Variants in GABRB1 observed in about 807,000 individuals in gnomAD.
GABRB1 encodes the protein gamma-aminobutyric acid receptor subunit beta-1.
A neutral mutation model predicts 51.6 loss-of-function variants in GABRB1; 17 were observed. The observed-to-expected ratio is 0.33, with a 90% CI of 0.23 to 0.49. The LOEUF (loss-of-function observed/expected upper bound fraction) is 0.49, where lower values mean the gene tolerates loss of function less well. GABRB1 is among the 20% of genes least tolerant of loss of function. The pLI is 0.99. For missense variants in GABRB1, 410 were observed against 600.6 expected, an observed-to-expected ratio of 0.68 and a Z score of 3.32; for synonymous variants, 247 against 218.9, an observed-to-expected ratio of 1.13 and a Z score of -1.14.
rs148219108 is a variant in GABRB1 at position 47,194,759 on chromosome 4, T to G, written c.461+33290T>G. Reference sequence around the variant, plus strand: ...TGGATATACTCCAGTGGGAGAAGATTTGTTGTCAGTTAAAACTTGAGCCAT... The same window carrying G: ...TGGATATACTCCAGTGGGAGAAGATGTGTTGTCAGTTAAAACTTGAGCCAT... On this transcript the variant is annotated intron_variant, in intron 4 of 8. Coordinates refer to ENST00000295454, the MANE Select transcript of GABRB1 (RefSeq NM_000812.4). Among the ~76,000 whole-genome samples, 622 of 152,240 alleles carry G rather than the reference T, an allele frequency of 4.1e-3. 1 individual carries two copies. The highest frequency in any genetic ancestry group is 0.014 in the African/African-American group (586 of 41,534).
intron 3 of GABRB1, among the ~76,000 whole-genome samples, chr4:47,110,636 A>G (rs56278524): frequency 0.23 from 34,342 of 152,090 alleles, 4,310 homozygotes; most frequent in African/African-American, 0.34. Context: ...ATTTTTATTC[A>G]TGGTAAATGA....
chr4:47,116,024 G>C (rs1191203873), intron 3 of GABRB1, among the ~76,000 whole-genome samples: 3 of 152,106 alleles, frequency 2.0e-5, no homozygotes, highest in African/African-American at 7.2e-5. Context: ...ACCAATATAA[G>C]CCATTCACAG....
intron 3 of GABRB1, among the ~76,000 whole-genome samples, chr4:47,058,234 T>C (rs1448833723): frequency 6.6e-6 from 1 of 152,202 alleles, no homozygotes; most frequent in Non-Finnish European, 1.5e-5. Context: ...CGGTCCATCA[T>C]CATTCAAAAA....
intron 3 of GABRB1, among the ~76,000 whole-genome samples, chr4:47,137,891 T>C (rs190886038): frequency 1.3e-5 from 2 of 152,260 alleles, no homozygotes; most frequent in Admixed American, 1.3e-4. Context: ...AACAAAGGAA[T>C]GCAAAAACTA....
At chr4:47,278,809 T>A (rs1407608256) in intron 4 of GABRB1, among the ~76,000 whole-genome samples, 1 of 152,182 alleles carries the variant, frequency 6.6e-6, no homozygotes, top group Non-Finnish European at 1.5e-5. Context: ...TCATAGTTTT[T>A]AGAGCCAAGT....
chr4:47,332,682 G>A (rs1196887116), intron 5 of GABRB1, among the ~76,000 whole-genome samples: 2 of 152,080 alleles, frequency 1.3e-5, no homozygotes, highest in Non-Finnish European at 2.9e-5. Flanking sequence ...ATTCCAATAT[G>A]CAGCCACATT....
At chr4:47,314,140 C>T (rs1403309025) in intron 4 of GABRB1, among the ~76,000 whole-genome samples, 1 of 151,684 alleles carries the variant, frequency 6.6e-6, no homozygotes, top group African/African-American at 2.4e-5. Context: ...CCGAGGTGAT[C>T]GTAGTTTAAA....
intron 4 of GABRB1, among the ~76,000 whole-genome samples, chr4:47,187,463 T>G (rs963436616): frequency 6.6e-6 from 1 of 151,900 alleles, no homozygotes; most frequent in African/African-American, 2.4e-5. Context: ...CAGCAGTTCC[T>G]TGGGATCACA....
intron 3 of GABRB1, among the ~76,000 whole-genome samples, chr4:47,049,105 G>A (rs1043375900): frequency 2.0e-5 from 3 of 151,464 alleles, no homozygotes; most frequent in South Asian, 2.1e-4. Context: ...GGAGTTTTTC[G>A]GTGCAAATCC....
chr4:46,993,725 G>A (rs1482499710), exon 1 of GABRB1: 6 of 305,456 alleles, frequency 2.0e-5, no homozygotes, highest in Non-Finnish European at 3.1e-5. Context: ...TCGTATCCGC[G>A]CGCTTGCGCT....
intron 3 of GABRB1, among the ~76,000 whole-genome samples, chr4:47,050,539 A>G (rs1358956195): frequency 6.6e-6 from 1 of 152,202 alleles, no homozygotes; most frequent in Admixed American, 6.5e-5. Context: ...CAATGCAAAG[A>G]GTTGAAGGAA....
Position 47,024,049 on chromosome 4 carries a change from C to G in GABRB1, c.-19-7865C>G, listed in dbSNP as rs569630100. On this transcript the variant is annotated intron_variant, in intron 1 of 3. Transcript: ENST00000513567. ...TAATAAAATCTTCTACTGTGCCATT[C>G]AACCCATTTATGGAATTTCATTTTA... is the stretch of plus-strand genomic sequence containing the variant. Among the ~76,000 whole-genome samples, 33 of 152,054 alleles carry G rather than the reference C, an allele frequency of 2.2e-4. 1 individual carries two copies. In the South Asian group the frequency reaches 4.4e-3, roughly 20 times the overall value.
At chr4:47,143,438 A>T (rs1674684163) in intron 3 of GABRB1, among the ~76,000 whole-genome samples, 1 of 151,784 alleles carries the variant, frequency 6.6e-6, no homozygotes, top group Non-Finnish European at 1.5e-5. Flanking sequence ...CTCTATCTTG[A>T]CAGGAGGAAC....
At chr4:47,240,167 T>C (rs1721471162) in intron 4 of GABRB1, among the ~76,000 whole-genome samples, 2 of 152,212 alleles carry the variant, frequency 1.3e-5, no homozygotes, top group South Asian at 4.1e-4. Context: ...ACTTTTCCCA[T>C]TTTTGCAGAC....
In GABRB1 at chr4:47,260,077, C is replaced by T. The variant is rs538670486; in HGVS notation, c.462-60050C>T. The stretch of plus-strand genomic sequence containing the variant: ...TTGAATTGATCCCTTTACCATTATG[C>T]AATGGCCTTCTTTGTCTCTTTTGAT... On this transcript the variant is annotated intron_variant, in intron 4 of 8. Transcript: ENST00000295454. 2.3e-4 allele frequency among the ~76,000 whole-genome samples: 35 copies of T among 152,164 alleles called. 1 individual carries two copies. The South Asian group carries it at 5.6e-3, about 24-fold the overall frequency.
intron 3 of GABRB1, among the ~76,000 whole-genome samples, chr4:47,160,143 A>G (rs1717874930): frequency 2.0e-5 from 3 of 152,136 alleles, no homozygotes; most frequent in African/African-American, 7.2e-5. Flanking sequence ...AGTGAGCCCA[A>G]TATTCCTGTC....
intron 3 of GABRB1, among the ~76,000 whole-genome samples, chr4:47,048,501 A>G (rs1206304928): frequency 1.3e-5 from 2 of 152,120 alleles, no homozygotes; most frequent in East Asian, 3.9e-4. Flanking sequence ...GATGAATAAA[A>G]TTGTGTTCAA....
intron 3 of GABRB1, among the ~76,000 whole-genome samples, chr4:47,154,842 T>TTTTC (rs1055880557): frequency 6.6e-6 from 1 of 152,048 alleles, no homozygotes; most frequent in Non-Finnish European, 1.5e-5. Flanking sequence ...TTTTTCTCCA[T>TTTTC]TTTCTTTCTT....
intron 8 of GABRB1, among the ~76,000 whole-genome samples, chr4:47,425,225 C>A (rs1250996951): frequency 6.6e-6 from 1 of 152,060 alleles, no homozygotes; most frequent in Non-Finnish European, 1.5e-5. Context: ...TATGAATGAA[C>A]CTGTGTTTGC....
Sources: gnomAD v4.1 joint callset for allele counts (sites outside exome capture counted in the v4.1 genomes callset) on GRCh38, gnomAD v4.1.1 for gene constraint, MANE v1.5 for transcripts, NCBI Gene and HGNC (gene_info 2026-07-23, HGNC 2026-07-21) for gene names.